TSGA10: variants seen among roughly 807,000 people sequenced by gnomAD.
TSGA10 encodes the protein testis-specific gene 10 protein.
Under a neutral mutation model 96.6 loss-of-function variants are expected in TSGA10, and 43 were observed. That is an observed-to-expected ratio of 0.44 (90% CI 0.35 to 0.57). The LOEUF is 0.57. TSGA10 is among the 20% of genes least tolerant of loss of function. TSGA10 has a pLI of 0.01. For missense variants in TSGA10, 703 were observed against 834.4 expected, an observed-to-expected ratio of 0.84 and a Z score of 1.94; for synonymous variants, 229 against 269.9, an observed-to-expected ratio of 0.85 and a Z score of 1.48.
chr2:99,113,974 G>C (rs2092029265), intron 4 of TSGA10, among the ~76,000 whole-genome samples: 1 of 152,162 alleles, frequency 6.6e-6, no homozygotes, highest in Non-Finnish European at 1.5e-5. Flanking sequence ...AGGTTTCAAA[G>C]TAATTACATA....
chr2:99,065,215 C>A, intron 15 of TSGA10, 91 bp from the exon 16 acceptor site: 1 of 1,402,522 alleles, frequency 7.1e-7, no homozygotes, highest in South Asian at 1.4e-5. Context: ...ATTCACTTGC[C>A]ATGAGAAGCG....
At chr2:99,154,054 A>G (rs1256315615) in intron 1 of TSGA10, among the ~76,000 whole-genome samples, 1 of 152,212 alleles carries the variant, frequency 6.6e-6, no homozygotes, top group East Asian at 1.9e-4. Flanking sequence ...AATATGGCTG[A>G]GGCGCTGCTT....
chr2:99,034,397 T>C (rs1208980988), intron 17 of TSGA10, among the ~76,000 whole-genome samples: 2 of 151,964 alleles, frequency 1.3e-5, no homozygotes, highest in Non-Finnish European at 2.9e-5. Context: ...TGAGACTCCA[T>C]CTCAAAAATA....
chr2:99,070,505 T>C (rs1335351647), intron 14 of TSGA10, among the ~76,000 whole-genome samples: 1 of 152,142 alleles, frequency 6.6e-6, no homozygotes, highest in East Asian at 1.9e-4. Flanking sequence ...TAAAAAAATA[T>C]GTCAAATATA....
intron 16 of TSGA10, among the ~76,000 whole-genome samples, chr2:99,062,216 T>C (rs2084776544): frequency 6.6e-6 from 1 of 152,214 alleles, no homozygotes; most frequent in Non-Finnish European, 1.5e-5. Context: ...TACATATATG[T>C]GTCCACCAAG....
At chr2:99,083,099 C>A (rs2087741132) in intron 10 of TSGA10, among the ~76,000 whole-genome samples, 1 of 151,920 alleles carries the variant, frequency 6.6e-6, no homozygotes. Flanking sequence ...TAAGAAGGTC[C>A]AATATTTACC....
At chr2:99,081,911 T>C (rs1315688071) in intron 10 of TSGA10, among the ~76,000 whole-genome samples, 1 of 152,216 alleles carries the variant, frequency 6.6e-6, no homozygotes, top group African/African-American at 2.4e-5. Context: ...CTAACCTTGT[T>C]TTTTACTAAC....
At chr2:99,118,500 T>C in intron 3 of TSGA10, 51 bp downstream of exon 3, 1 of 678,110 alleles carries the variant, frequency 1.5e-6, no homozygotes, top group Non-Finnish European at 1.8e-6. Context: ...CGTATATATA[T>C]GTGTATTATT....
At chr2:99,094,453 G>C (rs567998790) in intron 10 of TSGA10, among the ~76,000 whole-genome samples, 3 of 152,194 alleles carry the variant, frequency 2.0e-5, no homozygotes, top group African/African-American at 7.2e-5. Flanking sequence ...ACTCAGCAGA[G>C]TAAACAGAAA....
At chr2:99,111,880 C>CA (rs561972303) in intron 4 of TSGA10, among the ~76,000 whole-genome samples, 3 of 152,046 alleles carry the variant, frequency 2.0e-5, no homozygotes, top group Non-Finnish European at 4.4e-5. Flanking sequence ...CTCTGCAAAA[C>CA]AGAGTATCTG....
intron 3 of TSGA10, 69 bp downstream of exon 3, chr2:99,118,482 T>A: frequency 5.9e-5 from 26 of 443,660 alleles, no homozygotes; most frequent in East Asian, 1.6e-4. Context: ...TATATACATA[T>A]ATATATACGT....
At chr2:99,140,586 G>A (rs2093498150) in intron 1 of TSGA10, among the ~76,000 whole-genome samples, 1 of 151,866 alleles carries the variant, frequency 6.6e-6, no homozygotes, top group Non-Finnish European at 1.5e-5. Context: ...TTCAACAAAA[G>A]CCAGCTTTCC....
intron 20 of TSGA10, among the ~76,000 whole-genome samples, chr2:99,003,114 C>T (rs894704895): frequency 1.3e-5 from 2 of 152,114 alleles, no homozygotes; most frequent in African/African-American, 4.8e-5. Flanking sequence ...GCCTCGGCCT[C>T]CCAAAGTGCT....
At chr2:99,149,061 C>G (rs1047202033) in intron 1 of TSGA10, among the ~76,000 whole-genome samples, 1 of 151,788 alleles carries the variant, frequency 6.6e-6, no homozygotes, top group Non-Finnish European at 1.5e-5. Context: ...ATCCCAGCTA[C>G]TCAGGAGGCT....
intron 20 of TSGA10, among the ~76,000 whole-genome samples, chr2:99,004,928 A>C (rs1158735190): frequency 6.6e-6 from 1 of 152,242 alleles, no homozygotes; most frequent in Non-Finnish European, 1.5e-5. Context: ...GCAGCACATC[A>C]AAAAGCTTAT....
Position 99,104,034 on chromosome 2 carries a change from G to C in TSGA10, c.544C>G (p.Leu182Val). 1 of 1,614,020 alleles carries C rather than the reference G, an allele frequency of 6.2e-7. No homozygotes were observed. The highest frequency in any genetic ancestry group is 1.1e-5 in the South Asian group (1 of 91,076). ...TCGGTATCCATTGCCTTTCTTGCTA[G>C]TGATTTCATTTCTTTTTCCACAGTG... Reference protein sequence around the residue: ...ISTVEKEMKSLARKAMDTESE... With the variant: ...ISTVEKEMKSVARKAMDTESE... The change falls in exon 10 of 21, where the codon CTA becomes GTA. Residue 182 changes from leucine (L) to valine (V), a missense_variant. Coordinates refer to ENST00000393483, the MANE Select transcript of TSGA10 (RefSeq NM_025244.4).
intron 17 of TSGA10, among the ~76,000 whole-genome samples, chr2:99,025,605 T>C (rs2080491918): frequency 6.6e-6 from 1 of 152,172 alleles, no homozygotes; most frequent in Admixed American, 6.5e-5. Context: ...GTTCTAATCT[T>C]GATTATTATT....
At chr2:99,130,102 T>C (rs909452233) in intron 1 of TSGA10, among the ~76,000 whole-genome samples, 1 of 152,182 alleles carries the variant, frequency 6.6e-6, no homozygotes, top group Non-Finnish European at 1.5e-5. Flanking sequence ...AACATACATG[T>C]GAATATGTCT....
intron 1 of TSGA10, chr2:99,141,307 G>A: frequency 2.7e-6 from 1 of 374,570 alleles, no homozygotes. Flanking sequence ...GTTAGCGCCA[G>A]CCAGTGCCGC....
Sources: allele counts gnomAD v4.1 joint callset (sites outside exome capture counted in the v4.1 genomes callset), GRCh38; gene constraint gnomAD v4.1.1; transcripts MANE v1.5; gene names NCBI Gene and HGNC (gene_info 2026-07-23, HGNC 2026-07-21).